The following RANBP2 variants were observed in gnomAD, a reference collection of about 807,000 sequenced individuals.
RANBP2 encodes E3 SUMO-protein ligase RanBP2.
In RANBP2, 57 loss-of-function variants were observed where a neutral mutation model predicts 303.6. That is an observed-to-expected ratio of 0.19 (90% CI 0.15 to 0.23). The LOEUF (loss-of-function observed/expected upper bound fraction) is 0.23. RANBP2 is among the 10% of genes least tolerant of loss of function. The pLI, the probability that RANBP2 is intolerant of heterozygous loss-of-function variation, is 1.00. For missense variants in RANBP2, 3,138 were observed against 3,780.8 expected, an observed-to-expected ratio of 0.83 and a Z score of 4.46; for synonymous variants, 1,167 against 1,301.5, an observed-to-expected ratio of 0.90 and a Z score of 2.23.
At chr2:109,344,780 C>T in the RANBP2 span, among the ~76,000 whole-genome samples, 7 of 152,116 alleles carry the variant, frequency 4.6e-5, no homozygotes, top group Non-Finnish European at 7.3e-5. Flanking sequence ...AGGTCCTTGC[C>T]GAGCAGCTGA....
chr2:109,548,938 TAGGAG>T, the RANBP2 span, among the ~76,000 whole-genome samples: 1 of 152,130 alleles, frequency 6.6e-6, no homozygotes, highest in Non-Finnish European at 1.5e-5. Flanking sequence ...GACCACCTGA[TAGGAG>T]AAGTATTCCA....
chr2:109,027,467 C>T, the RANBP2 span, among the ~76,000 whole-genome samples: 1 of 152,250 alleles, frequency 6.6e-6, no homozygotes, highest in Non-Finnish European at 1.5e-5. Context: ...TTGAAGGCAG[C>T]ATGGAGCCAA....
chr2:108,811,247 C>CT, the RANBP2 span, among the ~76,000 whole-genome samples: 231 of 113,898 alleles, frequency 2.0e-3, 6 homozygotes, highest in Middle Eastern at 4.9e-3. Flanking sequence ...TTCTCTCTCT[C>CT]TTTTTTTTTT....
At chr2:109,452,729 T>C in the RANBP2 span, among the ~76,000 whole-genome samples, 5 of 152,112 alleles carry the variant, frequency 3.3e-5, no homozygotes, top group Admixed American at 6.5e-5. Flanking sequence ...GGGAGGCTTG[T>C]GCCAGGAGGC....
At chr2:109,421,120 G>T in the RANBP2 span, among the ~76,000 whole-genome samples, 1 of 152,176 alleles carries the variant, frequency 6.6e-6, no homozygotes, top group Non-Finnish European at 1.5e-5. Context: ...ATGGAAAAGT[G>T]GGGGGTGATG....
chr2:109,087,435 G>C, the RANBP2 span, among the ~76,000 whole-genome samples: 1 of 152,142 alleles, frequency 6.6e-6, no homozygotes, highest in South Asian at 2.1e-4. Flanking sequence ...TCACCTATCC[G>C]GCAAAACAGA....
the RANBP2 span, among the ~76,000 whole-genome samples, chr2:109,240,162 A>G: frequency 2.0e-5 from 3 of 152,112 alleles, no homozygotes; most frequent in Non-Finnish European, 2.9e-5. Context: ...GGAACCATGG[A>G]TCACCCATTT....
At chr2:109,005,814 T>A in the RANBP2 span, among the ~76,000 whole-genome samples, 2,124 of 152,364 alleles carry the variant, frequency 0.014, 25 homozygotes, top group South Asian at 0.041. Flanking sequence ...TGTATTTTCC[T>A]GGAAATCAGC....
At chr2:109,498,045 C>T in the RANBP2 span, among the ~76,000 whole-genome samples, 4 of 152,130 alleles carry the variant, frequency 2.6e-5, no homozygotes, top group Non-Finnish European at 5.9e-5. Context: ...TTTCACAGAC[C>T]GCTGGCTGCA....
chr2:109,409,296 G>A, the RANBP2 span, among the ~76,000 whole-genome samples: 7 of 152,188 alleles, frequency 4.6e-5, no homozygotes, highest in Admixed American at 6.5e-5. Context: ...GGCAGCAAAC[G>A]TTCTAAAGGA....
chr2:109,129,275 A>C, the RANBP2 span: 3 of 612,506 alleles, frequency 4.9e-6, no homozygotes, highest in Admixed American at 8.4e-5. Flanking sequence ...GCGGCGGGAC[A>C]GGTGTAGCCC....
At position 108,740,667 on chromosome 2, in the gene RANBP2, C is replaced by T. The variant is rs532438646; in HGVS notation, c.961C>T (p.Leu321Phe). The change falls in exon 7 of 29, where the codon CTC (leucine) becomes TTC (phenylalanine). Residue 321 changes from leucine to phenylalanine, a missense_variant. Physicochemically the swap from Leu to Phe is conservative, Grantham distance 22. Transcript: ENST00000283195. ...TTCTGAGCTGGCTGCATTGTGCTAT[C>T]TCATAGCATTTCAGGTAAGTCTTCC... ...ALSELAALCY[L>F]IAFQVPRPKI... 6.3e-7 allele frequency: 1 copy of T among 1,597,488 alleles called. No individual in the cohort carries two copies. Among genetic ancestry groups the T allele is most frequent in the South Asian group, 1.1e-5 (1 of 90,984 alleles).
At chr2:109,511,994 G>A in the RANBP2 span, among the ~76,000 whole-genome samples, 1 of 152,186 alleles carries the variant, frequency 6.6e-6, no homozygotes, top group South Asian at 2.1e-4. Flanking sequence ...AGGACTCTGG[G>A]ACTCCCAAGT....
At chr2:109,120,368 G>A in the RANBP2 span, among the ~76,000 whole-genome samples, 1 of 152,170 alleles carries the variant, frequency 6.6e-6, no homozygotes, top group South Asian at 2.1e-4. Flanking sequence ...TGGACCCCAA[G>A]GGCTTCCTCA....
At chr2:109,499,334 C>A in the RANBP2 span, among the ~76,000 whole-genome samples, 18 of 152,208 alleles carry the variant, frequency 1.2e-4, no homozygotes, top group Admixed American at 9.2e-4. Flanking sequence ...TCTGAGGGAC[C>A]GTCAGCCAGG....
the RANBP2 span, among the ~76,000 whole-genome samples, chr2:109,549,306 T>C: frequency 6.6e-6 from 1 of 152,184 alleles, no homozygotes; most frequent in Admixed American, 6.5e-5. Flanking sequence ...GGAGGTTGCA[T>C]ACCTCACATG....
chr2:109,429,617 T>C, the RANBP2 span, among the ~76,000 whole-genome samples: 1 of 151,854 alleles, frequency 6.6e-6, no homozygotes, highest in African/African-American at 2.4e-5. Context: ...CAACTGCAGC[T>C]CTCATCTTGC....
chr2:109,726,826 A>T, the RANBP2 span, among the ~76,000 whole-genome samples: 1 of 152,188 alleles, frequency 6.6e-6, no homozygotes, highest in Non-Finnish European at 1.5e-5. Context: ...GGCTTGGAGA[A>T]CCTTTGGGGC....
At chr2:109,037,377 G>A in the RANBP2 span, among the ~76,000 whole-genome samples, 2 of 149,874 alleles carry the variant, frequency 1.3e-5, no homozygotes, top group Admixed American at 6.6e-5. Context: ...AAGATGGAAT[G>A]CTTTCTCCCT....
Sources: gnomAD v4.1 joint callset for allele counts (sites outside exome capture counted in the v4.1 genomes callset) on GRCh38, gnomAD v4.1.1 for gene constraint, MANE v1.5 for transcripts, NCBI Gene and HGNC (gene_info 2026-07-23, HGNC 2026-07-21) for gene names.